ERC2: variants seen among roughly 807,000 people sequenced by gnomAD.
The protein encoded by ERC2 is ERC protein 2.
ERC2 carries 42 observed loss-of-function variants against 114.8 expected under a neutral mutation model. The observed-to-expected ratio is 0.37, with a 90% CI of 0.29 to 0.47. The LOEUF (loss-of-function observed/expected upper bound fraction) is 0.47, where lower values mean the gene tolerates loss of function less well. Among genes scored for constraint, ERC2 ranks in the 20% least tolerant of loss-of-function variants. The pLI, the probability that ERC2 is intolerant of heterozygous loss-of-function variation, is 0.99. For synonymous variants in ERC2, 454 were observed against 425.5 expected (o/e 1.07, Z -0.82); for missense variants, 939 against 1,150.7 (o/e 0.82, Z 2.66).
chr3:56,375,697 A>G (rs1039506097), intron 2 of ERC2, among the ~76,000 whole-genome samples: 14 of 152,154 alleles, frequency 9.2e-5, no homozygotes, highest in Admixed American at 6.5e-4. Context: ...AGCTTCGTAA[A>G]TTGTTCCTAA....
intron 14 of ERC2, among the ~76,000 whole-genome samples, chr3:55,775,399 G>A (rs1361544157): frequency 6.6e-6 from 1 of 151,990 alleles, no homozygotes; most frequent in Non-Finnish European, 1.5e-5. Flanking sequence ...TGGCGCGGTT[G>A]TGCATGCCTG....
intron 17 of ERC2, among the ~76,000 whole-genome samples, chr3:55,676,746 C>T (rs1409139933): frequency 6.6e-6 from 1 of 152,088 alleles, no homozygotes; most frequent in Non-Finnish European, 1.5e-5. Flanking sequence ...ACCAGACCAA[C>T]AGCATACTCT....
At chr3:55,743,196 C>G (rs1371398147) in intron 14 of ERC2, among the ~76,000 whole-genome samples, 1 of 152,210 alleles carries the variant, frequency 6.6e-6, no homozygotes, top group Non-Finnish European at 1.5e-5. Context: ...GTTCTTTACT[C>G]TAAGCACCAG....
chr3:56,101,537 AG>A (rs2078357633), intron 6 of ERC2, among the ~76,000 whole-genome samples: 1 of 152,018 alleles, frequency 6.6e-6, no homozygotes, highest in Non-Finnish European at 1.5e-5. Context: ...TTTTTAGAGA[AG>A]GGAAGTGAGC....
chr3:55,622,333 G>A (rs775542775), intron 17 of ERC2, among the ~76,000 whole-genome samples: 9 of 152,144 alleles, frequency 5.9e-5, no homozygotes, highest in Non-Finnish European at 1.0e-4. Flanking sequence ...AGCAGCCAGT[G>A]GATTCTCAAG....
chr3:55,742,549 A>C (rs2066031199), intron 14 of ERC2, among the ~76,000 whole-genome samples: 2 of 152,220 alleles, frequency 1.3e-5, no homozygotes, highest in African/African-American at 4.8e-5. Context: ...ATGACATATA[A>C]GAGAAAGCCT....
intron 17 of ERC2, among the ~76,000 whole-genome samples, chr3:55,563,939 G>A (rs2056199909): frequency 6.6e-6 from 1 of 152,190 alleles, no homozygotes; most frequent in African/African-American, 2.4e-5. Flanking sequence ...AATTTTCACT[G>A]ATACAGTTAC....
At chr3:55,762,375 A>G (rs376900703) in intron 14 of ERC2, among the ~76,000 whole-genome samples, 1 of 152,242 alleles carries the variant, frequency 6.6e-6, no homozygotes, top group South Asian at 2.1e-4. Flanking sequence ...TGCCTAGGAA[A>G]ATGTTTCTGA....
At chr3:56,393,667 T>A (rs145017641) in intron 2 of ERC2, among the ~76,000 whole-genome samples, 3 of 152,214 alleles carry the variant, frequency 2.0e-5, no homozygotes, top group African/African-American at 7.2e-5. Context: ...CATACTGAGA[T>A]CCTAATAAAT....
At chr3:55,705,780 G>A (rs757708058) in intron 15 of ERC2, among the ~76,000 whole-genome samples, 1 of 152,072 alleles carries the variant, frequency 6.6e-6, no homozygotes, top group Admixed American at 6.5e-5. Context: ...TCTCTCTCTC[G>A]GTCCCTATTT....
intron 7 of ERC2, among the ~76,000 whole-genome samples, chr3:56,070,984 C>T (rs2076710193): frequency 6.6e-6 from 1 of 152,172 alleles, no homozygotes. Flanking sequence ...ATCCCACTCC[C>T]CTGGCTAGGT....
intron 6 of ERC2, among the ~76,000 whole-genome samples, chr3:56,117,463 T>C (rs776301087): frequency 6.6e-5 from 10 of 152,202 alleles, no homozygotes; most frequent in Non-Finnish European, 1.2e-4. Context: ...TTTCCATCCT[T>C]AGAAGATATC....
At chr3:55,538,980 G>A (rs563311996) in intron 17 of ERC2, among the ~76,000 whole-genome samples, 1 of 152,300 alleles carries the variant, frequency 6.6e-6, no homozygotes, top group African/African-American at 2.4e-5. Context: ...GGCGTACAGA[G>A]CCTTTAATTT....
At chr3:56,430,019 T>C (rs2061726466) in intron 2 of ERC2, among the ~76,000 whole-genome samples, 1 of 152,214 alleles carries the variant, frequency 6.6e-6, no homozygotes, top group Non-Finnish European at 1.5e-5. Context: ...GTTAGCATTA[T>C]ATTTATAAAA....
chr3:55,807,455 G>T (rs1027461915), intron 14 of ERC2, among the ~76,000 whole-genome samples: 1 of 152,144 alleles, frequency 6.6e-6, no homozygotes, highest in Non-Finnish European at 1.5e-5. Flanking sequence ...GGTAAGCAGA[G>T]TTCTTCTGTA....
chr3:56,213,465 G>A (rs1044083253), intron 3 of ERC2, among the ~76,000 whole-genome samples: 1 of 152,176 alleles, frequency 6.6e-6, no homozygotes, highest in Non-Finnish European at 1.5e-5. Flanking sequence ...GAGAGGCTGG[G>A]GGAGGGGCGC....
chr3:56,018,916 A>G lies in ERC2; in HGVS notation c.1757T>C (p.Leu586Pro). The G allele has an allele frequency of 6.2e-7, 1 of 1,612,830 alleles. No individual in the cohort carries two copies. Among genetic ancestry groups the G allele is most frequent in the Non-Finnish European group, 8.5e-7 (1 of 1,179,352 alleles). Residue 586 changes from leucine to proline, a missense_variant, in exon 8 of 18, where the codon CTA (leucine) becomes CCA (proline). Physicochemically the swap from Leu to Pro is moderately conservative, Grantham distance 98. Around this residue, in one of 5 missense-constraint regions of ERC2, gnomAD observed 149 missense variants for 254.6 expected, o/e 0.59. Transcript: ENST00000288221. ...CACCTTCTCTGACAGAGCTTCCTCT[A>G]GCGTCGCCAGTGCAGTATCTGTATT... Reference protein sequence around the residue: ...SSNTDTALATLEEALSEKERI... With the variant: ...SSNTDTALATPEEALSEKERI...
At chr3:55,983,570 T>C (rs9878600) in intron 12 of ERC2, among the ~76,000 whole-genome samples, 47,923 of 151,982 alleles carry the variant, frequency 0.32, 8,562 homozygotes, top group Middle Eastern at 0.41. Flanking sequence ...AGAGTCTACA[T>C]AGAGTTTGAA....
In ERC2 at chr3:55,963,120, T is replaced by C. The variant is rs147449692; in HGVS notation, c.2268-12560A>G. 4.0e-3 allele frequency among the ~76,000 whole-genome samples: 607 copies of C among 152,336 alleles called. 7 individuals carry two copies. The highest frequency in any genetic ancestry group is 0.013 in the African/African-American group (561 of 41,578). On this transcript the variant is annotated intron_variant, in intron 12 of 17. Coordinates refer to ENST00000288221, the MANE Select transcript of ERC2 (RefSeq NM_015576.3). ...TAATGCCACAGGGCAGCAACAGTTATTGAAATGAGGACTCAGCTATGAAGC... is the reference window on the plus strand; with the variant it reads ...TAATGCCACAGGGCAGCAACAGTTACTGAAATGAGGACTCAGCTATGAAGC...
Sources: allele counts gnomAD v4.1 joint callset (sites outside exome capture counted in the v4.1 genomes callset), GRCh38; gene constraint gnomAD v4.1.1; regional missense constraint gnomAD v4.1.1; transcripts MANE v1.5; gene names NCBI Gene and HGNC (gene_info 2026-07-23, HGNC 2026-07-21).